The following CSMD3 variants were observed in gnomAD, a reference collection of about 807,000 sequenced individuals.
The protein encoded by CSMD3 is CUB and Sushi multiple domains 3.
Under a neutral mutation model 435.2 loss-of-function variants are expected in CSMD3, and 177 were observed. The ratio of observed to expected loss-of-function variants is 0.41; its 90% CI spans 0.36 to 0.46. The LOEUF (loss-of-function observed/expected upper bound fraction) is 0.46. CSMD3 is among the 20% of genes least tolerant of loss of function. The pLI is 0.34. For synonymous variants in CSMD3, 1,656 were observed against 1,520.5 expected (o/e 1.09, Z -2.07); for missense variants, 4,265 against 4,504.6 (o/e 0.95, Z 1.52).
intron 32 of CSMD3, among the ~76,000 whole-genome samples, chr8:112,466,605 C>T (rs1335602181): frequency 1.3e-5 from 2 of 152,074 alleles, no homozygotes; most frequent in Non-Finnish European, 2.9e-5. Context: ...TATATGTATA[C>T]ATTTAGAGAT....
intron 5 of CSMD3, among the ~76,000 whole-genome samples, chr8:113,035,269 A>C (rs542171841): frequency 6.6e-6 from 1 of 152,188 alleles, no homozygotes; most frequent in Admixed American, 6.5e-5. Flanking sequence ...TCAGGAATGA[A>C]AATGGATTAT....
chr8:112,356,012 T>C (rs1826568880), intron 38 of CSMD3, among the ~76,000 whole-genome samples: 1 of 152,012 alleles, frequency 6.6e-6, no homozygotes, highest in Non-Finnish European at 1.5e-5. Flanking sequence ...ACAATGGCTA[T>C]GATGTAAAAG....
At chr8:113,285,733 A>C (rs1008651185) in intron 2 of CSMD3, among the ~76,000 whole-genome samples, 1 of 152,196 alleles carries the variant, frequency 6.6e-6, no homozygotes, top group African/African-American at 2.4e-5. Flanking sequence ...CTGACCAATA[A>C]AGTATTAAAC....
At chr8:112,561,000 G>T (rs1441234447) in intron 24 of CSMD3, among the ~76,000 whole-genome samples, 1 of 151,628 alleles carries the variant, frequency 6.6e-6, no homozygotes, top group Non-Finnish European at 1.5e-5. Context: ...GGCATTGCTG[G>T]TGATGAGGTA....
At chr8:112,480,180 T>C (rs1022166481) in intron 31 of CSMD3, among the ~76,000 whole-genome samples, 48 of 152,220 alleles carry the variant, frequency 3.2e-4, no homozygotes, top group Non-Finnish European at 6.3e-4. Flanking sequence ...GTGGAGAATA[T>C]TGACCCTTTC....
chr8:113,373,203 A>G (rs968075728), intron 1 of CSMD3, among the ~76,000 whole-genome samples: 2 of 152,122 alleles, frequency 1.3e-5, no homozygotes, highest in African/African-American at 4.8e-5. Context: ...TGGTATTCCT[A>G]TATTCTGTGC....
At chr8:112,633,069 G>A (rs973039340) in intron 22 of CSMD3, among the ~76,000 whole-genome samples, 1 of 151,864 alleles carries the variant, frequency 6.6e-6, no homozygotes, top group Non-Finnish European at 1.5e-5. Context: ...ACTAGTAAAC[G>A]AGATTTTGTG....
chr8:113,371,896 A>G (rs1157883154), intron 1 of CSMD3, among the ~76,000 whole-genome samples: 1 of 152,226 alleles, frequency 6.6e-6, no homozygotes, highest in Non-Finnish European at 1.5e-5. Context: ...CTTTTCACAT[A>G]TATGAACAGG....
At chr8:112,424,099 T>G (rs1323151840) in intron 32 of CSMD3, among the ~76,000 whole-genome samples, 1 of 152,152 alleles carries the variant, frequency 6.6e-6, no homozygotes, top group East Asian at 1.9e-4. Context: ...GGGAAAATGG[T>G]TGAAAATTAA....
At position 112,806,012 on chromosome 8, in the gene CSMD3, T is replaced by C. The variant is rs139920137; in HGVS notation, c.1860-5738A>G. On this transcript the variant is annotated intron_variant, in intron 12 of 70. Coordinates refer to ENST00000297405, the MANE Select transcript of CSMD3 (RefSeq NM_198123.2). The stretch of plus-strand genomic sequence containing the variant: ...AGCCTTCAATAGACAAATTGCAAAA[T>C]TGCCAAACTGAGATAAAATATTTAG... Among the ~76,000 whole-genome samples, 980 of 152,180 alleles carry C rather than the reference T, an allele frequency of 6.4e-3. 7 individuals are homozygous for C. Among genetic ancestry groups the C allele is most frequent in the Non-Finnish European group, 0.011 (766 of 67,994 alleles).
At chr8:112,676,886 G>A (rs571861069) in intron 16 of CSMD3, among the ~76,000 whole-genome samples, 2 of 152,134 alleles carry the variant, frequency 1.3e-5, no homozygotes, top group African/African-American at 4.8e-5. Context: ...TTCATTGGCT[G>A]GCTTATTACT....
intron 8 of CSMD3, among the ~76,000 whole-genome samples, chr8:112,948,726 T>C (rs1410621998): frequency 6.6e-6 from 1 of 151,788 alleles, no homozygotes; most frequent in Non-Finnish European, 1.5e-5. Context: ...TTAGAAAAAA[T>C]AGTGCCTAAG....
At chr8:112,862,023 T>C (rs911020703) in intron 10 of CSMD3, among the ~76,000 whole-genome samples, 1 of 151,976 alleles carries the variant, frequency 6.6e-6, no homozygotes, top group African/African-American at 2.4e-5. Flanking sequence ...AACTATAAAA[T>C]AGTGCTCTCT....
chr8:112,341,963 A>T lies in CSMD3; in HGVS notation c.6443-277T>A, dbSNP rs187476905. Among the ~76,000 whole-genome samples, 363 of 152,228 alleles carry T rather than the reference A, an allele frequency of 2.4e-3. 5 individuals carry two copies. The highest frequency in any genetic ancestry group is 0.02 in the Admixed American group (311 of 15,286). ...TCACTGTATGAAAAATGATCCAAAA[A>T]AGTGGCTTTCTTATTCTTTAATACG... On this transcript the variant is annotated intron_variant, in intron 41 of 70. Coordinates refer to ENST00000297405, the MANE Select transcript of CSMD3 (RefSeq NM_198123.2).
intron 13 of CSMD3, among the ~76,000 whole-genome samples, chr8:112,757,638 G>A (rs1587197507): frequency 6.8e-6 from 1 of 146,368 alleles, no homozygotes; most frequent in African/African-American, 2.4e-5. Context: ...AAGAGCAGTT[G>A]ATTTTTAGTT....
chr8:112,909,160 T>C (rs2082339096), intron 10 of CSMD3, among the ~76,000 whole-genome samples: 1 of 151,612 alleles, frequency 6.6e-6, no homozygotes, highest in Admixed American at 6.6e-5. Flanking sequence ...CTACTAAATA[T>C]GAATATTTAT....
intron 66 of CSMD3, among the ~76,000 whole-genome samples, 157 bp downstream of exon 66, chr8:112,241,563 T>C (rs1435307330): frequency 1.3e-5 from 2 of 152,134 alleles, no homozygotes; most frequent in East Asian, 1.9e-4. Context: ...CTGTATTACA[T>C]TGCTTTAAAT....
At chr8:112,464,768 C>A (rs573569610) in intron 32 of CSMD3, among the ~76,000 whole-genome samples, 1 of 152,248 alleles carries the variant, frequency 6.6e-6, no homozygotes, top group South Asian at 2.1e-4. Context: ...CTTAGCAAAC[C>A]TTCATGGCCT....
At chr8:113,334,225 G>A (rs1346948266) in intron 1 of CSMD3, among the ~76,000 whole-genome samples, 1 of 149,126 alleles carries the variant, frequency 6.7e-6, no homozygotes, top group Admixed American at 6.7e-5. Context: ...AGATTCAGGG[G>A]GTACATGTAC....
Sources: allele counts gnomAD v4.1 joint callset (sites outside exome capture counted in the v4.1 genomes callset), GRCh38; gene constraint gnomAD v4.1.1; transcripts MANE v1.5; gene names NCBI Gene and HGNC (gene_info 2026-07-23, HGNC 2026-07-21).